TRAPPC9: variants seen among roughly 807,000 people sequenced by gnomAD.
The protein encoded by TRAPPC9 is trafficking protein particle complex subunit 9.
A neutral mutation model predicts 124.0 loss-of-function variants in TRAPPC9; 83 were observed. That is an observed-to-expected ratio of 0.67 (90% confidence interval 0.56 to 0.80). TRAPPC9 has a LOEUF of 0.80. Ranked by LOEUF, TRAPPC9 falls within the 30% of genes least tolerant of loss-of-function variation. The probability of loss-of-function intolerance (pLI) is 0.00; values close to 1 mark genes in which losing one functional copy is unlikely to be tolerated. For synonymous variants in TRAPPC9, 638 were observed against 617.5 expected, an observed-to-expected ratio of 1.03 and a Z score of -0.49; for missense variants, 1,302 against 1,508.3, an observed-to-expected ratio of 0.86 and a Z score of 2.27.
intron 17 of TRAPPC9, among the ~76,000 whole-genome samples, chr8:140,159,861 C>T (rs1324527497): frequency 6.6e-6 from 1 of 152,162 alleles, no homozygotes; most frequent in Non-Finnish European, 1.5e-5. Flanking sequence ...TTCCTCACGC[C>T]GCCAGGGAAA....
chr8:139,786,077 G>A (rs935848761), intron 21 of TRAPPC9, among the ~76,000 whole-genome samples: 6 of 152,020 alleles, frequency 3.9e-5, no homozygotes, highest in Non-Finnish European at 5.9e-5. Flanking sequence ...GTGTGGTGGC[G>A]GGCGCCTGTA....
At chr8:140,320,570 G>A (rs1252498404) in intron 9 of TRAPPC9, among the ~76,000 whole-genome samples, 2 of 152,212 alleles carry the variant, frequency 1.3e-5, no homozygotes, top group Non-Finnish European at 2.9e-5. Context: ...GCAGGGCCCA[G>A]CCAAGTCAAA....
At chr8:140,441,439 A>G (rs1255890254) in intron 2 of TRAPPC9, among the ~76,000 whole-genome samples, 1 of 152,238 alleles carries the variant, frequency 6.6e-6, no homozygotes, top group Non-Finnish European at 1.5e-5. Context: ...ACTGTATATT[A>G]GTTTAATATA....
chr8:140,145,903 C>G (rs2061455405), intron 17 of TRAPPC9, among the ~76,000 whole-genome samples: 1 of 152,058 alleles, frequency 6.6e-6, no homozygotes, highest in Non-Finnish European at 1.5e-5. Context: ...TTTTTGCTGG[C>G]AAGGACAAAT....
At chr8:140,201,072 G>A (rs1290562759) in intron 17 of TRAPPC9, among the ~76,000 whole-genome samples, 5 of 152,210 alleles carry the variant, frequency 3.3e-5, no homozygotes, top group Non-Finnish European at 7.3e-5. Context: ...GCCGGATGCA[G>A]GGCTCACAGA....
At chr8:140,449,464 G>A (rs1485343890) in intron 2 of TRAPPC9, among the ~76,000 whole-genome samples, 1 of 152,234 alleles carries the variant, frequency 6.6e-6, no homozygotes, top group Non-Finnish European at 1.5e-5. Context: ...AGACACAGCA[G>A]CAAGCAGAGA....
chr8:139,896,675 C>T (rs1389288928), intron 20 of TRAPPC9, among the ~76,000 whole-genome samples: 1 of 152,210 alleles, frequency 6.6e-6, no homozygotes, highest in Non-Finnish European at 1.5e-5. Flanking sequence ...TCACCGTAAA[C>T]CTGGAAACCA....
chr8:139,996,158 C>CAAAAAAAA lies in TRAPPC9; in HGVS notation c.2700-7330_2700-7323dup. Among the ~76,000 whole-genome samples, 90 of 19,360 alleles carry CAAAAAAAA rather than the reference C, an allele frequency of 4.6e-3. 1 individual carries two copies. Among genetic ancestry groups the CAAAAAAAA allele is most frequent in the Non-Finnish European group, 5.6e-3 (66 of 11,688 alleles). The allele number at this position is 19,360 out of a possible 152,430, so 12.7% of individuals were successfully genotyped here. A position where few individuals can be genotyped will look rare whatever the true frequency, so the allele number is the denominator to read the frequency against. On this transcript the variant is annotated intron_variant, in intron 18 of 22. Coordinates refer to ENST00000438773, the MANE Select transcript of TRAPPC9 (RefSeq NM_001160372.4). Reference sequence around the variant, plus strand: ...AAAAAAAGAACCAGAAAAACTTAAGCAAAAAAAAAAAAAAAAAAAAAAAAG... The same window carrying CAAAAAAAA: ...AAAAAAAGAACCAGAAAAACTTAAGCAAAAAAAAAAAAAAAAAAAAAAAAAAAAAAAAG...
Position 140,083,646 on chromosome 8 carries a change from T to C in TRAPPC9, c.2557-59567A>G, listed in dbSNP as rs535747451. On this transcript the variant is annotated intron_variant, in intron 17 of 22. Coordinates refer to ENST00000438773, the MANE Select transcript of TRAPPC9 (RefSeq NM_001160372.4). The stretch of plus-strand genomic sequence containing the variant: ...GAATACCCACAGAAGGGTTTGGTGT[T>C]TTTTTGTTATTTTGTTTTTGTTTTT... Among the ~76,000 whole-genome samples, 485 of 140,814 alleles carry C rather than the reference T, an allele frequency of 3.4e-3. 3 individuals carry two copies. Among genetic ancestry groups the C allele is most frequent in the African/African-American group, 0.012 (466 of 37,290 alleles). 92.4% of individuals were successfully genotyped at this position (140,814 alleles called of 152,430 possible).
chr8:140,055,530 G>A (rs1842245949), intron 17 of TRAPPC9, among the ~76,000 whole-genome samples: 2 of 152,162 alleles, frequency 1.3e-5, no homozygotes, highest in African/African-American at 4.8e-5. Context: ...GAACAATTAG[G>A]AGGAAAAGCA....
intron 13 of TRAPPC9, among the ~76,000 whole-genome samples, chr8:140,286,150 G>T (rs777551743): frequency 6.6e-6 from 1 of 152,362 alleles, no homozygotes; most frequent in Non-Finnish European, 1.5e-5. Context: ...CCCAGGAGCC[G>T]GCCAGGGTGA....
intron 6 of TRAPPC9, among the ~76,000 whole-genome samples, chr8:140,402,653 G>A (rs530014892): frequency 5.8e-4 from 88 of 151,266 alleles, no homozygotes; most frequent in African/African-American, 2.0e-3. Context: ...CCGTGATCAC[G>A]CCACTGCACT....
chr8:140,166,732 T>C (rs532290428), intron 17 of TRAPPC9, among the ~76,000 whole-genome samples: 8 of 152,266 alleles, frequency 5.3e-5, no homozygotes, highest in African/African-American at 1.9e-4. Flanking sequence ...GGAGTGCTGG[T>C]TTCTAGACAC....
intron 9 of TRAPPC9, among the ~76,000 whole-genome samples, chr8:140,324,137 T>C (rs79123003): frequency 0.011 from 1,652 of 152,184 alleles, 34 homozygotes; most frequent in African/African-American, 0.038. Context: ...AGTGAGAACA[T>C]ACGATGTTTG....
chr8:139,906,449 G>A (rs1206947303), intron 20 of TRAPPC9, among the ~76,000 whole-genome samples: 2 of 152,194 alleles, frequency 1.3e-5, no homozygotes, highest in Non-Finnish European at 2.9e-5. Context: ...AGTGCCCGGG[G>A]GTGCCCAATC....
chr8:140,455,646 G>T (rs1229947119), intron 1 of TRAPPC9, among the ~76,000 whole-genome samples: 12 of 148,814 alleles, frequency 8.1e-5, no homozygotes. Flanking sequence ...GGCCGGGATG[G>T]TCTCGATCTC....
At chr8:140,213,015 GC>G (rs2063099186) in intron 17 of TRAPPC9, among the ~76,000 whole-genome samples, 1 of 150,920 alleles carries the variant, frequency 6.6e-6, no homozygotes, top group African/African-American at 2.4e-5. Context: ...GTAGCAGTGA[GC>G]CAAGATCGTG....
At chr8:139,804,257 C>T (rs1385657491) in intron 21 of TRAPPC9, among the ~76,000 whole-genome samples, 1 of 141,950 alleles carries the variant, frequency 7.0e-6, no homozygotes, top group Non-Finnish European at 1.5e-5. Flanking sequence ...CACCAAACAC[C>T]ACCACCACAC....
At position 140,104,869 on chromosome 8, in the gene TRAPPC9, G is replaced by T. The variant is rs2060636218; in HGVS notation, c.2557-80790C>A. Among the ~76,000 whole-genome samples, 1 of 152,218 alleles carries T rather than the reference G, an allele frequency of 6.6e-6. No homozygotes were observed. Among genetic ancestry groups the T allele is most frequent in the Admixed American group, 6.5e-5 (1 of 15,284 alleles). On this transcript the variant is annotated intron_variant, in intron 17 of 22. Coordinates refer to ENST00000438773, the MANE Select transcript of TRAPPC9 (RefSeq NM_001160372.4). This position sits in a 1 kb window ranked among gnomAD's most constrained non-coding sequence, Gnocchi z 4.0. ...TCTTTCTAACCCTTTTAGAAACAGT[G>T]TTAATGGCGACATTTAACGACATGG...
Sources: gnomAD v4.1 joint callset for allele counts (sites outside exome capture counted in the v4.1 genomes callset) on GRCh38, gnomAD v4.1.1 for gene constraint, Gnocchi (gnomAD v3.1) non-coding constraint, MANE v1.5 for transcripts, NCBI Gene and HGNC (gene_info 2026-07-23, HGNC 2026-07-21) for gene names.